ZNF219: variants seen among roughly 807,000 people sequenced by gnomAD.
The protein encoded by ZNF219 is zinc finger protein 219.
A neutral mutation model predicts 54.4 loss-of-function variants in ZNF219; 17 were observed. That is an observed-to-expected ratio of 0.31 (90% CI 0.21 to 0.47). ZNF219 has a LOEUF of 0.47. Ranked by LOEUF, ZNF219 falls within the 20% of genes least tolerant of loss-of-function variation. ZNF219 has a pLI of 1.00. For missense variants in ZNF219, 1,014 were observed against 1,062.3 expected (o/e 0.95, Z 0.63); for synonymous variants, 518 against 476.4 (o/e 1.09, Z -1.14).
At chr14:21,103,426 T>C, upstream of ZNF219, 2 of 1,146,858 alleles carry the variant, frequency 1.7e-6, no homozygotes, top group Non-Finnish European at 2.4e-6. Flanking sequence ...CGAGAATATA[T>C]CCTCACCTCA....
At chr14:21,093,747 G>T in intron 1 of ZNF219, 73 bp from the exon 2 acceptor site, 1 of 1,363,102 alleles carries the variant, frequency 7.3e-7, no homozygotes, top group Non-Finnish European at 1.0e-6. Flanking sequence ...CCTACCCCCA[G>T]ACTCTCAGCA....
In ZNF219 at chr14:21,092,901, G is replaced by T; in HGVS notation, c.396C>A (p.Ala132=). ...CTGAGCTTCGGGCTCTCCCCAGTCG[G>T]GCCTCGCGTAGTAGCGCGCGCTCTT... is the stretch of plus-strand genomic sequence containing the variant. ...ELEERALLRE[A]RLGRARSSGG... is the part of the protein sequence containing the mutation. The change falls in exon 3 of 5, where the codon GCC becomes GCA. Residue 132 remains alanine, a synonymous_variant. Coordinates refer to ENST00000360947, the MANE Select transcript of ZNF219 (RefSeq NM_016423.3). 5 of 1,548,240 alleles carry T rather than the reference G, an allele frequency of 3.2e-6. No individual in the cohort carries two copies. Among genetic ancestry groups the T allele is most frequent in the African/African-American group, 1.4e-5 (1 of 73,218 alleles).
chr14:21,101,180 A>T, upstream of ZNF219: 1 of 603,172 alleles, frequency 1.7e-6, no homozygotes, highest in Non-Finnish European at 2.9e-6. Context: ...GCTGCTTCAG[A>T]CTAGGTAGGT....
At chr14:21,091,617 A>G in intron 3 of ZNF219, 75 bp from the exon 4 acceptor site, 1 of 1,532,314 alleles carries the variant, frequency 6.5e-7, no homozygotes, top group Non-Finnish European at 8.8e-7. Flanking sequence ...CCCCACACCC[A>G]TCCCATAGGG....
chr14:21,101,385 C>A (rs1889620884), upstream of ZNF219: 1 of 1,551,654 alleles, frequency 6.4e-7, no homozygotes, highest in East Asian at 2.4e-5. Context: ...AGAGACACAG[C>A]CTTCGTCTGG....
At chr14:21,091,659 A>C (rs1356613010) in intron 3 of ZNF219, 117 bp from the exon 4 acceptor site, 4 of 1,486,580 alleles carry the variant, frequency 2.7e-6, no homozygotes, top group Non-Finnish European at 3.6e-6. Context: ...GAGGAAACAA[A>C]GTCTGAGGGG....
At chr14:21,091,169 G>A (rs1594593629) in intron 4 of ZNF219, 29 bp from the exon 5 acceptor site, 2 of 1,587,224 alleles carry the variant, frequency 1.3e-6, no homozygotes, top group East Asian at 2.2e-5. Flanking sequence ...ATAGGGTCAC[G>A]GGGTCACGAT....
intron 1 of ZNF219, among the ~76,000 whole-genome samples, chr14:21,097,905 G>T (rs1889371790): frequency 6.6e-6 from 1 of 151,168 alleles, no homozygotes; most frequent in Non-Finnish European, 1.5e-5. Flanking sequence ...GGGGTTGGGG[G>T]GTGCACATCC....
At chr14:21,102,750 CAG>C (rs768195668), upstream of ZNF219, 3 of 1,550,826 alleles carry the variant, frequency 1.9e-6, no homozygotes, top group Non-Finnish European at 2.6e-6. Context: ...CTGCAGGAGC[CAG>C]AGTCTGCACT....
chr14:21,100,910 A>G (rs948563574), upstream of ZNF219, among the ~76,000 whole-genome samples: 2 of 152,198 alleles, frequency 1.3e-5, no homozygotes, highest in Non-Finnish European at 2.9e-5. Context: ...GAAACCAGAA[A>G]AGGAACCCAG....
chr14:21,095,447 T>A (rs767444899), intron 1 of ZNF219, among the ~76,000 whole-genome samples: 1 of 152,212 alleles, frequency 6.6e-6, no homozygotes, highest in Non-Finnish European at 1.5e-5. Flanking sequence ...CTACAACCTT[T>A]ACTAAATCAC....
At chr14:21,098,773 A>G, upstream of ZNF219, 2 of 1,273,000 alleles carry the variant, frequency 1.6e-6, no homozygotes, top group Non-Finnish European at 1.0e-6. Flanking sequence ...CCCAGCCTCC[A>G]AGCAGCACTG....
upstream of ZNF219, chr14:21,102,623 C>G: frequency 2.6e-6 from 4 of 1,551,330 alleles, no homozygotes; most frequent in Non-Finnish European, 3.5e-6. Context: ...TCAGCCCTGT[C>G]TACCTGCAGC....
In ZNF219 at chr14:21,093,673, A is replaced by G; in HGVS notation, c.-82T>C. 2 of 1,613,928 alleles carry G rather than the reference A, an allele frequency of 1.2e-6. No individual in the cohort carries two copies. The highest frequency in any genetic ancestry group is 2.2e-5 in the South Asian group (2 of 91,048). On this transcript the variant is annotated splice_region_variant and 5_prime_UTR_variant, in exon 2 of 5. Coordinates refer to ENST00000360947, the MANE Select transcript of ZNF219 (RefSeq NM_016423.3). ...CTAATGAAGGCAACAGGTGCTGTGG[A>G]GCTAAAGCAAGAGACAGATTTGGAG...
At position 21,098,388 on chromosome 14, in the gene ZNF219, T is replaced by C. The variant is rs1011913578; in HGVS notation, c.-160A>G. ...GGGCGGCGGGCCGGCGGCGCGGGCG[T>C]CAGCGTTACGTGGGGCCGGGGGAGA... On this transcript the variant is annotated 5_prime_UTR_variant, in exon 1 of 5. Coordinates refer to ENST00000360947, the MANE Select transcript of ZNF219 (RefSeq NM_016423.3). 16 of 466,786 alleles carry C rather than the reference T, an allele frequency of 3.4e-5. No individual in the cohort carries two copies. Among genetic ancestry groups the C allele is most frequent in the Non-Finnish European group, 4.1e-5 (15 of 365,160 alleles). The allele number at this position is 466,786 out of a possible 1,614,324, so 28.9% of individuals were successfully genotyped here.
chr14:21,093,247 G>A lies in ZNF219; in HGVS notation c.50C>T (p.Pro17Leu), dbSNP rs765817967. The A allele has an allele frequency of 2.7e-5, 43 of 1,599,170 alleles. No individual in the cohort carries two copies. The highest frequency in any genetic ancestry group is 2.8e-5 in the Non-Finnish European group (33 of 1,178,652). The stretch of plus-strand genomic sequence containing the variant: ...ATCCAGCTCGCCGTCGAAAGCCGGC[G>A]GCGACGGCGCTAAGTGGCCGCTCGG... ...RAPSGHLAPS[P>L]PAFDGELDLQ... Residue 17 changes from proline to leucine, a missense_variant, in exon 3 of 5, where the codon CCG becomes CTG. Transcript: ENST00000360947.
At chr14:21,102,752 G>T (rs374138523), upstream of ZNF219, 1 of 1,550,946 alleles carries the variant, frequency 6.4e-7, no homozygotes, top group East Asian at 2.4e-5. Flanking sequence ...GCAGGAGCCA[G>T]AGTCTGCACT....
At position 21,092,114 on chromosome 14, in the gene ZNF219, C is replaced by G. The variant is rs751021295; in HGVS notation, c.1183G>C (p.Gly395Arg). 2 of 1,526,288 alleles carry G rather than the reference C, an allele frequency of 1.3e-6. No individual in the cohort carries two copies. The highest frequency in any genetic ancestry group is 2.4e-5 in the South Asian group (2 of 82,104). The allele number at this position is 1,526,288 out of a possible 1,614,324, so 94.5% of individuals were successfully genotyped here. The change falls in exon 3 of 5, where the codon GGT (glycine) becomes CGT (arginine). Residue 395 changes from glycine to arginine, a missense_variant. This residue lies in a region of ZNF219 where 272 missense variants were observed against 248.9 expected (regional missense o/e 1.09). Coordinates refer to ENST00000360947, the MANE Select transcript of ZNF219 (RefSeq NM_016423.3). ...RAGEGRPNGE[G>R]AEPGPGRSFG... ...CTGCGGCCGGGACCGGGCTCAGCACCCTCGCCGTTGGGCCGGCCCTCGCCA... is the reference window on the plus strand; with the variant it reads ...CTGCGGCCGGGACCGGGCTCAGCACGCTCGCCGTTGGGCCGGCCCTCGCCA...
Position 21,092,457 on chromosome 14 carries a change from G to C in ZNF219, c.840C>G (p.Gly280=), listed in dbSNP as rs1888987545. 5 of 1,559,154 alleles carry C rather than the reference G, an allele frequency of 3.2e-6. No individual in the cohort carries two copies. The East Asian group carries it at 1.2e-4, about 38-fold the overall frequency. ...GAAACCAAGACTGTGTAAAGCTCTG[G>C]CCGCACACTTGGCAGCGGAACTCCG... ...APPEFRCQVC[G]QSFTQSWFLK... The change falls in exon 3 of 5, where the codon GGC becomes GGG. Residue 280 remains glycine (G), a synonymous_variant. Transcript: ENST00000360947.
Sources: allele counts gnomAD v4.1 joint callset (sites outside exome capture counted in the v4.1 genomes callset), GRCh38; gene constraint gnomAD v4.1.1; regional missense constraint gnomAD v4.1.1; transcripts MANE v1.5; gene names NCBI Gene and HGNC (gene_info 2026-07-23, HGNC 2026-07-21).